The following PDE6B variants were observed in gnomAD, a reference collection of about 807,000 sequenced individuals.
PDE6B encodes the protein phosphodiesterase 6B, also known as rod cGMP-specific 3',5'-cyclic phosphodiesterase subunit beta.
In PDE6B, 106 loss-of-function variants were observed where a neutral mutation model predicts 109.0. The observed-to-expected ratio is 0.97, with a 90% confidence interval of 0.83 to 1.14. PDE6B has a LOEUF of 1.14. PDE6B is among the 50% of genes most tolerant of loss of function. PDE6B has a pLI of 0.00. For synonymous variants in PDE6B, 490 were observed against 471.3 expected (o/e 1.04, Z -0.51); for missense variants, 1,193 against 1,155.6 (o/e 1.03, Z -0.47).
At chr4:658,753 G>T (rs537670102) in intron 10 of PDE6B, among the ~76,000 whole-genome samples, 199 bp from the exon 11 acceptor site, 1 of 152,180 alleles carries the variant, frequency 6.6e-6, no homozygotes, top group Admixed American at 6.5e-5. Flanking sequence ...GGCAGTGCCC[G>T]AGAGAGGACA....
At chr4:631,701 G>T (rs1277436788) in intron 1 of PDE6B, among the ~76,000 whole-genome samples, 1 of 151,724 alleles carries the variant, frequency 6.6e-6, no homozygotes, top group Non-Finnish European at 1.5e-5. Flanking sequence ...ACGTTGTGTG[G>T]ATTTATGTGT....
intron 1 of PDE6B, among the ~76,000 whole-genome samples, chr4:630,564 G>T (rs959520299): frequency 1.3e-5 from 2 of 152,206 alleles, no homozygotes; most frequent in African/African-American, 4.8e-5. Flanking sequence ...AGGGCAGAGG[G>T]CAGAGTGCAA....
At position 646,623 on chromosome 4, in the gene PDE6B, C is replaced by G. The variant is rs534495516; in HGVS notation, c.712-7229C>G. ...ACCTTCTGTATTTGTCTCTCTGCTC[C>G]GCTCGCTCCGCTCGTGGTTCCCTCT... On this transcript the variant is annotated intron_variant, in intron 3 of 21. Coordinates refer to ENST00000496514, the MANE Select transcript of PDE6B (RefSeq NM_000283.4). 1.4e-3 allele frequency among the ~76,000 whole-genome samples: 208 copies of G among 152,144 alleles called. 4 individuals are homozygous for G. Among genetic ancestry groups the G allele is most frequent in the African/African-American group, 4.7e-3 (196 of 41,410 alleles).
intron 3 of PDE6B, among the ~76,000 whole-genome samples, chr4:643,290 A>G (rs750727467): frequency 3.3e-5 from 5 of 152,234 alleles, no homozygotes; most frequent in Non-Finnish European, 7.4e-5. Context: ...CCAGGGAGAC[A>G]GAGCGAGATT....
At chr4:658,005 T>C (rs1304895753) in intron 10 of PDE6B, among the ~76,000 whole-genome samples, 45 of 109,090 alleles carry the variant, frequency 4.1e-4, no homozygotes, top group African/African-American at 6.5e-4. Context: ...CCAGGGGTCA[T>C]GGCTGTGCGG....
chr4:667,948 G>T lies in PDE6B; in HGVS notation c.2445G>T (p.Glu815Asp). 1 of 1,613,418 alleles carries T rather than the reference G, an allele frequency of 6.2e-7. No individual in the cohort carries two copies. The change falls in exon 21 of 22, where the codon GAG becomes GAT. Residue 815 changes from glutamate to aspartate, a missense_variant. Transcript: ENST00000496514. ...KEWKALADEY[E>D]AKVKALEEKE... The stretch of plus-strand genomic sequence containing the variant: ...GGAAGGCGCTGGCTGATGAGTATGA[G>T]GCCAAAGTGAAGGCTCTGGAGGAGA...
At chr4:652,446 G>A (rs1487323620) in intron 3 of PDE6B, 12 of 959,282 alleles carry the variant, frequency 1.3e-5, no homozygotes, top group African/African-American at 1.8e-5. Flanking sequence ...AAGCAGAGAC[G>A]TTGGTGAAAG....
intron 3 of PDE6B, among the ~76,000 whole-genome samples, chr4:638,890 G>A (rs35972513): frequency 0.029 from 4,418 of 152,244 alleles, 65 homozygotes; most frequent in Middle Eastern, 0.041. Context: ...TGTTCATATT[G>A]GCAGGTGCCT....
Position 648,834 on chromosome 4 carries a change from C to A in PDE6B, c.712-5018C>A, listed in dbSNP as rs1735341536. Among the ~76,000 whole-genome samples, 1 of 152,376 alleles carries A rather than the reference C, an allele frequency of 6.6e-6. No homozygotes were observed. Among genetic ancestry groups the A allele is most frequent in the East Asian group, 1.9e-4 (1 of 5,180 alleles). ...AGCTCTCACCTTCAGGCCGGCCATG[C>A]GTCAGGACCCGGTGGCTCGCTGCAA... On this transcript the variant is annotated intron_variant, in intron 3 of 21. Coordinates refer to ENST00000496514, the MANE Select transcript of PDE6B (RefSeq NM_000283.4). This position sits in a 1 kb window ranked among gnomAD's most constrained non-coding sequence, Gnocchi z 4.5.
At position 663,793 on chromosome 4, in the gene PDE6B, G is replaced by A. The variant is rs893944540; in HGVS notation, c.1944G>A (p.Leu648=). The A allele has an allele frequency of 5.0e-6, 8 of 1,612,086 alleles. No individual in the cohort carries two copies. The African/African-American group carries it at 1.1e-4, about 22-fold the overall frequency. The change falls in exon 16 of 22, where the codon CTG becomes CTA. Residue 648 remains leucine (L), a synonymous_variant. Transcript: ENST00000496514. This position sits in a 1 kb window ranked among gnomAD's most constrained non-coding sequence, Gnocchi z 4.0. ...SEETLNIYQN[L]NRRQHEHVIH... is the part of the protein sequence containing the mutation. ...AGACCCTGAACATCTACCAGAACCT[G>A]AACCGGCGGCAGCACGAGCACGTGA...
intron 3 of PDE6B, among the ~76,000 whole-genome samples, chr4:638,562 A>G (rs1462837544): frequency 6.6e-6 from 1 of 152,146 alleles, no homozygotes; most frequent in Non-Finnish European, 1.5e-5. Context: ...ACCTCAAATG[A>G]TCCTCCTGCC....
Position 662,538 on chromosome 4 carries a change from C to T in PDE6B, c.1752C>T (p.Asp584=), listed in dbSNP as rs1737231745. ...GCAAACTGAAGAGCTACTACACGGA[C>T]CTGGAGGCCTTCGCCATGGTGACAG... ...MTGKLKSYYT[D]LEAFAMVTAG... The change falls in exon 14 of 22, where the codon GAC becomes GAT. Residue 584 remains aspartate (D), a synonymous_variant. Transcript: ENST00000496514. The surrounding 1 kb of genome is among the most constrained non-coding windows in gnomAD (Gnocchi z 4.3). 1 of 1,612,792 alleles carries T rather than the reference C, an allele frequency of 6.2e-7. No individual in the cohort carries two copies. The highest frequency in any genetic ancestry group is 1.7e-5 in the Admixed American group (1 of 60,028).
intron 3 of PDE6B, among the ~76,000 whole-genome samples, chr4:644,932 G>A (rs1026453255): frequency 6.6e-6 from 1 of 152,056 alleles, no homozygotes; most frequent in South Asian, 2.1e-4. Flanking sequence ...TGGAGGATGC[G>A]TCTCTCCTTA....
chr4:647,565 G>A (rs1433964780), intron 3 of PDE6B, among the ~76,000 whole-genome samples: 5 of 152,014 alleles, frequency 3.3e-5, no homozygotes, highest in Non-Finnish European at 7.3e-5. Context: ...CATTTCTGGC[G>A]AGGGCTCTCT....
At chr4:635,115 G>A (rs1734591745) in intron 2 of PDE6B, among the ~76,000 whole-genome samples, 3 of 119,776 alleles carry the variant, frequency 2.5e-5, no homozygotes, top group East Asian at 2.4e-4. Context: ...CTGCCTGCCC[G>A]CGTGTTCTGT....
intron 5 of PDE6B, 67 bp downstream of exon 5, chr4:654,221 G>A (rs1253751841): frequency 2.8e-6 from 4 of 1,418,784 alleles, no homozygotes; most frequent in Non-Finnish European, 3.0e-6. Context: ...CAACTCCAGG[G>A]CAGGAGAGGG....
intron 21 of PDE6B, among the ~76,000 whole-genome samples, chr4:669,818 G>A (rs895054956): frequency 1.3e-5 from 2 of 151,572 alleles, no homozygotes; most frequent in African/African-American, 2.4e-5. Flanking sequence ...TAAACAAGGC[G>A]ACTTCAGGAC....
At chr4:659,772 ATG>A (rs1253424560) in intron 11 of PDE6B, among the ~76,000 whole-genome samples, 1 of 151,348 alleles carries the variant, frequency 6.6e-6, no homozygotes, top group African/African-American at 2.4e-5. Context: ...TTGTGTGTGC[ATG>A]TGTGTGCACA....
rs1734686420 is a variant in PDE6B, at chr4:636,445, C to T, written c.711+476C>T. Among the ~76,000 whole-genome samples, 3 of 151,914 alleles carry T rather than the reference C, an allele frequency of 2.0e-5. No individual in the cohort carries two copies. Among genetic ancestry groups the T allele is most frequent in the Admixed American group, 2.0e-4 (3 of 15,258 alleles). ...CTGGCCGAGACGCTGGGGAGGGAGG[C>T]CTGAGGACCTTAAGGAGTCAGGTGT... On this transcript the variant is annotated intron_variant, in intron 3 of 21. Transcript: ENST00000496514. The surrounding 1 kb of genome is among the most constrained non-coding windows in gnomAD (Gnocchi z 4.5).
Sources: gnomAD v4.1 joint callset for allele counts (sites outside exome capture counted in the v4.1 genomes callset) on GRCh38, gnomAD v4.1.1 for gene constraint, Gnocchi (gnomAD v3.1) non-coding constraint, MANE v1.5 for transcripts, NCBI Gene and HGNC (gene_info 2026-07-23, HGNC 2026-07-21) for gene names.